Variants in MAP6 observed in about 807,000 individuals in gnomAD.
MAP6 encodes microtubule-associated protein 6.
A neutral mutation model predicts 42.4 loss-of-function variants in MAP6; 26 were observed. The observed-to-expected ratio is 0.61, with a 90% CI of 0.45 to 0.85. The LOEUF is 0.85. Ranked by LOEUF, MAP6 falls within the 40% of genes least tolerant of loss-of-function variation. The probability of loss-of-function intolerance (pLI) is 0.00; values close to 1 mark genes in which losing one functional copy is unlikely to be tolerated. For missense variants in MAP6, 966 were observed against 1,099.0 expected (o/e 0.88, Z 1.71); for synonymous variants, 418 against 443.8 (o/e 0.94, Z 0.73).
intron 2 of MAP6, chr11:75,607,213 A>G (rs1386980281): frequency 2.0e-6 from 2 of 984,768 alleles, no homozygotes; most frequent in African/African-American, 3.5e-5. Flanking sequence ...TAGTTACCTT[A>G]CCCATAAACT....
intron 1 of MAP6, among the ~76,000 whole-genome samples, chr11:75,664,889 C>CA (rs141966968): frequency 0.02 from 2,954 of 145,448 alleles, 96 homozygotes; most frequent in African/African-American, 0.07. Context: ...TATTCTGGAA[C>CA]AAAAAAAAAA....
At chr11:75,650,938 A>G (rs1943636217) in intron 1 of MAP6, among the ~76,000 whole-genome samples, 1 of 151,940 alleles carries the variant, frequency 6.6e-6, no homozygotes, top group African/African-American at 2.4e-5. Flanking sequence ...AGCCCTAAAG[A>G]CCTTCCTTAT....
At chr11:75,629,970 C>G (rs1202373353) in intron 1 of MAP6, among the ~76,000 whole-genome samples, 1 of 152,222 alleles carries the variant, frequency 6.6e-6, no homozygotes, top group Non-Finnish European at 1.5e-5. Flanking sequence ...TAAGTAACTA[C>G]AGCAAAGACA....
chr11:75,655,165 T>C (rs76611405), intron 1 of MAP6, among the ~76,000 whole-genome samples: 9 of 152,246 alleles, frequency 5.9e-5, no homozygotes, highest in African/African-American at 9.6e-5. Context: ...GCTCTTAAGA[T>C]GTTACATTGA....
chr11:75,635,911 C>T (rs1943361111), intron 1 of MAP6: 2 of 152,230 alleles, frequency 1.3e-5, no homozygotes, highest in Non-Finnish European at 2.9e-5. Context: ...AATAAGTACA[C>T]AAAACCTCTT....
intron 3 of MAP6, among the ~76,000 whole-genome samples, chr11:75,588,810 C>T (rs1039571201): frequency 2.6e-5 from 4 of 152,154 alleles, no homozygotes; most frequent in African/African-American, 9.7e-5. Context: ...GAATGAGCAG[C>T]ATATAGTGAT....
chr11:75,587,873 A>G lies in MAP6; in HGVS notation c.1628T>C (p.Met543Thr). 11 of 1,614,152 alleles carry G rather than the reference A, an allele frequency of 6.8e-6. No homozygotes were observed. Among genetic ancestry groups the G allele is most frequent in the South Asian group, 1.1e-5 (1 of 91,072 alleles). The change falls in exon 4 of 4, where the codon ATG becomes ACG. Residue 543 changes from methionine to threonine, a missense_variant. Physicochemically the swap from Met to Thr is moderately conservative, Grantham distance 81. Coordinates refer to ENST00000304771, the MANE Select transcript of MAP6 (RefSeq NM_033063.2). ...VPVPPKNQSP[M>T]VPAKVKDQGS... ...TTGATCCTTAACTTTTGCTGGAACC[A>G]TAGGACTTTGATTCTTTGGAGGAAC...
At chr11:75,628,307 A>C (rs1294634765) in intron 1 of MAP6, among the ~76,000 whole-genome samples, 3 of 152,276 alleles carry the variant, frequency 2.0e-5, no homozygotes, top group African/African-American at 7.2e-5. Context: ...GCAGCCAGAG[A>C]GATTCACATT....
At chr11:75,642,476 A>G (rs1300150870) in intron 1 of MAP6, 2 of 152,502 alleles carry the variant, frequency 1.3e-5, no homozygotes, top group Non-Finnish European at 2.9e-5. Flanking sequence ...AACATTGACT[A>G]ACTAGTTCTG....
chr11:75,633,988 A>G (rs952930083), intron 1 of MAP6, among the ~76,000 whole-genome samples: 4 of 152,232 alleles, frequency 2.6e-5, no homozygotes, highest in African/African-American at 9.6e-5. Flanking sequence ...TGCTGCATTC[A>G]GAACAGACAC....
chr11:75,662,588 T>C (rs1943871467), intron 1 of MAP6, among the ~76,000 whole-genome samples: 1 of 152,192 alleles, frequency 6.6e-6, no homozygotes, highest in African/African-American at 2.4e-5. Flanking sequence ...TTTAAGCCCA[T>C]TGAATTAGAA....
chr11:75,667,720 G>C lies in MAP6; in HGVS notation c.650C>G (p.Ala217Gly). The C allele has an allele frequency of 1.6e-6, 2 of 1,289,064 alleles. No individual in the cohort carries two copies. The highest frequency in any genetic ancestry group is 2.0e-6 in the Non-Finnish European group (2 of 1,021,688). The allele number at this position is 1,289,064 out of a possible 1,614,324, so 79.9% of individuals were successfully genotyped here. ...QAAAEAREQEAAPGGAGGLAA... is the reference protein window; with the variant it reads ...QAAAEAREQEGAPGGAGGLAA... ...CAGGCCACCCGCTCCGCCGGGGGCC[G>C]CCTCCTGCTCCCGGGCCTCAGCGGC... is the stretch of plus-strand genomic sequence containing the variant. The change falls in exon 1 of 4, where the codon GCG becomes GGG. Residue 217 changes from alanine to glycine, a missense_variant. Physicochemically the swap from Ala to Gly is moderately conservative, Grantham distance 60. Around this residue, in one of 2 missense-constraint regions of MAP6, gnomAD observed 943 missense variants for 1,049.9 expected, o/e 0.90. Coordinates refer to ENST00000304771, the MANE Select transcript of MAP6 (RefSeq NM_033063.2). This position sits in a 1 kb window ranked among gnomAD's most constrained non-coding sequence, Gnocchi z 5.6.
At position 75,587,908 on chromosome 11, in the gene MAP6, G is replaced by A; in HGVS notation, c.1593C>T (p.Pro531=). 1.2e-6 allele frequency: 2 copies of A among 1,614,094 alleles called. No homozygotes were observed. The highest frequency in any genetic ancestry group is 8.5e-7 in the Non-Finnish European group (1 of 1,180,014). The change falls in exon 4 of 4, where the codon CCC becomes CCT. Residue 531 remains proline (P), a synonymous_variant. Coordinates refer to ENST00000304771, the MANE Select transcript of MAP6 (RefSeq NM_033063.2). ...GATTCTTTGGAGGAACTGGGACCGA[G>A]GGACCTTGGTCCTTGACTGGTGCTG... ...VISAPVKDQG[P]SVPVPPKNQS...
chr11:75,659,475 A>G (rs12282340), intron 1 of MAP6, among the ~76,000 whole-genome samples: 13,627 of 152,222 alleles, frequency 0.09, 987 homozygotes, highest in African/African-American at 0.2. Context: ...GAGGAAGGGG[A>G]ATCATAAGCT....
intron 1 of MAP6, among the ~76,000 whole-genome samples, chr11:75,662,317 A>C (rs1943866077): frequency 6.6e-6 from 1 of 152,194 alleles, no homozygotes; most frequent in South Asian, 2.1e-4. Flanking sequence ...TAAATACAGA[A>C]ATAAAACTTT....
rs1354704810 is a variant in MAP6 at position 75,604,415 on chromosome 11, T to C, written c.1316+1393A>G. The C allele has an allele frequency of 4.1e-6, 4 of 985,276 alleles. No homozygotes were observed. The African/African-American group carries it at 7.0e-5, about 17-fold the overall frequency. 61.0% of individuals were successfully genotyped at this position (985,276 alleles called of 1,614,324 possible). A position where few individuals can be genotyped will look rare whatever the true frequency, so the allele number is the denominator to read the frequency against. On this transcript the variant is annotated intron_variant, in intron 3 of 3. Coordinates refer to ENST00000304771, the MANE Select transcript of MAP6 (RefSeq NM_033063.2). ...AGACCCTCACTCTTCACCCCTTTCATTGTAAAAGAAGAGCAAGCCTGCGCC... is the reference window on the plus strand; with the variant it reads ...AGACCCTCACTCTTCACCCCTTTCACTGTAAAAGAAGAGCAAGCCTGCGCC...
chr11:75,653,152 G>A (rs986325082), intron 1 of MAP6, among the ~76,000 whole-genome samples: 2 of 152,174 alleles, frequency 1.3e-5, no homozygotes, highest in African/African-American at 2.4e-5. Flanking sequence ...GAACGGCAAT[G>A]GACCAATTCA....
intron 1 of MAP6, among the ~76,000 whole-genome samples, chr11:75,647,443 G>A (rs567680319): frequency 6.1e-5 from 9 of 148,388 alleles, no homozygotes; most frequent in African/African-American, 1.0e-4. Flanking sequence ...GAAATGCATC[G>A]AAAAGGAGTA....
intron 2 of MAP6, 31 bp downstream of exon 2, chr11:75,608,077 GT>G (rs1384403414): frequency 6.2e-7 from 1 of 1,602,312 alleles, no homozygotes. Flanking sequence ...GGTCCAGGCT[GT>G]GCTGATGGGT....
Sources: allele counts gnomAD v4.1 joint callset (sites outside exome capture counted in the v4.1 genomes callset), GRCh38; gene constraint gnomAD v4.1.1; regional missense constraint gnomAD v4.1.1; non-coding constraint Gnocchi (gnomAD v3.1); transcripts MANE v1.5; gene names NCBI Gene and HGNC (gene_info 2026-07-23, HGNC 2026-07-21).